The following RABGAP1L variants were observed in gnomAD, a reference collection of about 807,000 sequenced individuals.
RABGAP1L encodes RAB GTPase activating protein 1 like.
A neutral mutation model predicts 137.7 loss-of-function variants in RABGAP1L; 63 were observed. That is an observed-to-expected ratio of 0.46 (90% CI 0.37 to 0.56). RABGAP1L has a LOEUF of 0.56. RABGAP1L is among the 20% of genes least tolerant of loss of function. The pLI is 0.00. For missense variants in RABGAP1L, 1,095 were observed against 1,244.0 expected, an observed-to-expected ratio of 0.88 and a Z score of 1.80; for synonymous variants, 431 against 433.7, an observed-to-expected ratio of 0.99 and a Z score of 0.08.
At position 174,181,332 on chromosome 1, in the gene RABGAP1L, CTTTTTTTCT is replaced by C. The variant is rs1666339901; in HGVS notation, c.-34+21683_-34+21691del. On this transcript the variant is annotated intron_variant, in intron 1 of 25. Coordinates refer to ENST00000681986, the MANE Select transcript of RABGAP1L (RefSeq NM_001366446.1). ...CTAATCATTTTATACAAGGGTCTTT[CTTTTTTTCT>C]TTTTTTTTTTTTTTGAGACGGAGTC... 2.8e-5 allele frequency among the ~76,000 whole-genome samples: 4 copies of C among 142,872 alleles called. No homozygotes were observed. The East Asian group carries it at 6.3e-4, about 23-fold the overall frequency. The allele number at this position is 142,872 out of a possible 152,430, so 93.7% of individuals were successfully genotyped here. A position where few individuals can be genotyped will look rare whatever the true frequency, so the allele number is the denominator to read the frequency against.
intron 13 of RABGAP1L, among the ~76,000 whole-genome samples, chr1:174,586,693 GTTCAAGCAA>G (rs1669143740): frequency 6.6e-6 from 1 of 152,238 alleles, no homozygotes; most frequent in African/African-American, 2.4e-5. Flanking sequence ...CACCTCCCGA[GTTCAAGCAA>G]TTCTCCTGCC....
chr1:174,435,738 T>C (rs1349789883), intron 13 of RABGAP1L, among the ~76,000 whole-genome samples: 1 of 151,936 alleles, frequency 6.6e-6, no homozygotes, highest in Admixed American at 6.6e-5. Flanking sequence ...ATGTGCCATG[T>C]TGGTGTGCTG....
intron 13 of RABGAP1L, among the ~76,000 whole-genome samples, chr1:174,615,109 C>T (rs536230622): frequency 1.8e-4 from 28 of 152,326 alleles, no homozygotes; most frequent in Non-Finnish European, 2.8e-4. Context: ...TGCTTTGTTT[C>T]GTTGCTGGTG....
intron 13 of RABGAP1L, among the ~76,000 whole-genome samples, chr1:174,625,065 G>T (rs1008101411): frequency 6.6e-6 from 1 of 151,786 alleles, no homozygotes; most frequent in African/African-American, 2.4e-5. Context: ...GTAGAGACGG[G>T]GTTTCACCAT....
At chr1:174,965,020 C>G (rs1206662540) in intron 20 of RABGAP1L, 1 of 1,364,262 alleles carries the variant, frequency 7.3e-7, no homozygotes, top group Non-Finnish European at 9.9e-7. Flanking sequence ...ATGTCTGTAA[C>G]ATCAGTGTCT....
chr1:174,774,968 G>T (rs1314897074), intron 18 of RABGAP1L, among the ~76,000 whole-genome samples: 1 of 152,134 alleles, frequency 6.6e-6, no homozygotes, highest in Non-Finnish European at 1.5e-5. Flanking sequence ...AAAATGACTG[G>T]CCCCAAAAGG....
chr1:174,165,180 C>T (rs914674616), intron 1 of RABGAP1L, among the ~76,000 whole-genome samples: 2 of 152,008 alleles, frequency 1.3e-5, no homozygotes, highest in African/African-American at 4.8e-5. Context: ...GTTTGTTTTT[C>T]GTTTTTGACC....
chr1:174,394,175 C>A, intron 13 of RABGAP1L, 30 bp downstream of exon 13: 2 of 1,601,014 alleles, frequency 1.2e-6, no homozygotes, highest in African/African-American at 1.3e-5. Context: ...ATATTATTTT[C>A]ATTGGATGAC....
At chr1:174,815,434 A>G (rs555052568) in intron 19 of RABGAP1L, among the ~76,000 whole-genome samples, 34 of 152,338 alleles carry the variant, frequency 2.2e-4, no homozygotes, top group African/African-American at 7.5e-4. Flanking sequence ...GCCAAAAGTA[A>G]TCAAGTTTTA....
At chr1:174,482,430 T>C (rs76087688) in intron 13 of RABGAP1L, among the ~76,000 whole-genome samples, 17,995 of 152,248 alleles carry the variant, frequency 0.12, 1,398 homozygotes, top group South Asian at 0.17. Flanking sequence ...AAAGGAATTC[T>C]ATATAATATA....
chr1:174,207,920 A>T (rs1014328942), intron 1 of RABGAP1L, among the ~76,000 whole-genome samples: 1 of 152,180 alleles, frequency 6.6e-6, no homozygotes, highest in Non-Finnish European at 1.5e-5. Flanking sequence ...TTCAGTGCTC[A>T]ATCAGTCTCA....
intron 4 of RABGAP1L, among the ~76,000 whole-genome samples, chr1:174,237,171 C>T (rs1292771203): frequency 6.6e-5 from 10 of 150,652 alleles, no homozygotes; most frequent in East Asian, 2.0e-4. Flanking sequence ...TGTCTCTGCA[C>T]GTGAGATGGG....
chr1:174,714,899 T>C (rs900605876), intron 17 of RABGAP1L, among the ~76,000 whole-genome samples: 41 of 152,188 alleles, frequency 2.7e-4, no homozygotes, highest in African/African-American at 9.7e-4. Context: ...GTTGACTGCA[T>C]TGAAAGTAGA....
At chr1:174,875,491 T>C (rs138113293) in intron 19 of RABGAP1L, 1 of 981,700 alleles carries the variant, frequency 1.0e-6, no homozygotes, top group East Asian at 1.1e-4. Context: ...AGTACTTTCT[T>C]TACCTTCCAC....
chr1:174,172,214 G>A (rs11808104), intron 1 of RABGAP1L, among the ~76,000 whole-genome samples: 32,226 of 139,770 alleles, frequency 0.23, 4,101 homozygotes, highest in Admixed American at 0.26. Context: ...GTGTGTGTGT[G>A]TGTATATATG....
At chr1:174,351,106 G>T (rs952881045) in intron 11 of RABGAP1L, among the ~76,000 whole-genome samples, 7 of 144,948 alleles carry the variant, frequency 4.8e-5, no homozygotes, top group East Asian at 2.1e-4. Context: ...GGGAGGGGTT[G>T]TTTCTATTTA....
At chr1:174,229,894 G>A (rs1006600468) in intron 3 of RABGAP1L, among the ~76,000 whole-genome samples, 1 of 152,138 alleles carries the variant, frequency 6.6e-6, no homozygotes. Flanking sequence ...CAGTGTAAAA[G>A]TGTTCCTATT....
At chr1:174,932,993 C>T (rs532720909) in intron 19 of RABGAP1L, among the ~76,000 whole-genome samples, 13 of 152,226 alleles carry the variant, frequency 8.5e-5, no homozygotes, top group Non-Finnish European at 1.9e-4. Flanking sequence ...AAGATCTGTG[C>T]AGTAGATTTG....
intron 13 of RABGAP1L, among the ~76,000 whole-genome samples, chr1:174,510,638 G>C (rs1662244920): frequency 6.6e-6 from 1 of 152,094 alleles, no homozygotes; most frequent in Non-Finnish European, 1.5e-5. Flanking sequence ...TTTTGAAAAG[G>C]TTTCTCTCAG....
Sources: gnomAD v4.1 joint callset for allele counts (sites outside exome capture counted in the v4.1 genomes callset) on GRCh38, gnomAD v4.1.1 for gene constraint, MANE v1.5 for transcripts, NCBI Gene and HGNC (gene_info 2026-07-23, HGNC 2026-07-21) for gene names.